Variants in TMEM132D observed in about 807,000 individuals in gnomAD.
TMEM132D encodes mature OL transmembrane protein.
Under a neutral mutation model 62.3 loss-of-function variants are expected in TMEM132D, and 21 were observed. The observed-to-expected ratio is 0.34, with a 90% CI of 0.24 to 0.49. The LOEUF (loss-of-function observed/expected upper bound fraction) is 0.49. TMEM132D is among the 20% of genes least tolerant of loss of function. TMEM132D has a pLI of 0.99. For synonymous variants in TMEM132D, 621 were observed against 575.6 expected (o/e 1.08, Z -1.13); for missense variants, 1,346 against 1,402.8 (o/e 0.96, Z 0.65).
rs557123658 is a variant in TMEM132D, at chr12:129,761,439, G to A, written c.80-60741C>T. On this transcript the variant is annotated intron_variant, in intron 1 of 8. Coordinates refer to ENST00000422113, the MANE Select transcript of TMEM132D (RefSeq NM_133448.3). ...CAGAGCTATGAACTAGTGATACTCG[G>A]GAGTCAGGAAGGAGTTGGCAGAACG... 5.9e-5 allele frequency among the ~76,000 whole-genome samples: 9 copies of A among 152,274 alleles called. No homozygotes were observed. The South Asian group carries it at 1.5e-3, about 25-fold the overall frequency.
At chr12:129,894,741 T>C (rs1875047738) in intron 1 of TMEM132D, among the ~76,000 whole-genome samples, 1 of 151,090 alleles carries the variant, frequency 6.6e-6, no homozygotes, top group Non-Finnish European at 1.5e-5. Flanking sequence ...TTTCTTGTAG[T>C]TTCTCTTTTT....
intron 2 of TMEM132D, among the ~76,000 whole-genome samples, chr12:129,598,998 T>C (rs1878418119): frequency 6.6e-6 from 1 of 152,168 alleles, no homozygotes; most frequent in African/African-American, 2.4e-5. Flanking sequence ...TGCTTATACT[T>C]CTGAAGGAGT....
chr12:129,741,105 C>T (rs1192467575), intron 1 of TMEM132D, among the ~76,000 whole-genome samples: 1 of 152,190 alleles, frequency 6.6e-6, no homozygotes, highest in Non-Finnish European at 1.5e-5. Flanking sequence ...TGTGGCATGG[C>T]ACAAATTCTT....
chr12:129,467,253 G>A (rs1037932703), intron 3 of TMEM132D, among the ~76,000 whole-genome samples: 2 of 152,080 alleles, frequency 1.3e-5, no homozygotes, highest in Admixed American at 1.3e-4. Flanking sequence ...ATCCAAACAT[G>A]GTTGAATCCA....
At chr12:129,608,591 T>G (rs1878688624) in intron 2 of TMEM132D, among the ~76,000 whole-genome samples, 1 of 152,218 alleles carries the variant, frequency 6.6e-6, no homozygotes. Context: ...TGATATCCAC[T>G]GTTTCTGAAA....
intron 4 of TMEM132D, among the ~76,000 whole-genome samples, chr12:129,327,088 T>C (rs1012330381): frequency 2.6e-5 from 4 of 152,028 alleles, no homozygotes; most frequent in African/African-American, 9.7e-5. Context: ...TCAGTGACAA[T>C]AGTAGGTGCT....
chr12:129,184,914 G>C (rs1301325473), intron 5 of TMEM132D, among the ~76,000 whole-genome samples: 4 of 152,130 alleles, frequency 2.6e-5, no homozygotes, highest in East Asian at 3.9e-4. Flanking sequence ...CTGGGCTCAA[G>C]AATCATGACC....
intron 5 of TMEM132D, among the ~76,000 whole-genome samples, chr12:129,161,295 A>G (rs1593280984): frequency 6.6e-6 from 1 of 152,314 alleles, no homozygotes; most frequent in East Asian, 1.9e-4. Flanking sequence ...TTTTGTTTAA[A>G]ATAATTCTGA....
intron 1 of TMEM132D, among the ~76,000 whole-genome samples, chr12:129,794,003 G>A (rs1470484945): frequency 2.0e-5 from 3 of 151,348 alleles, no homozygotes; most frequent in Admixed American, 6.6e-5. Flanking sequence ...CACACATATT[G>A]GATTTTTTAA....
chr12:129,534,463 T>A (rs61190689), intron 2 of TMEM132D, among the ~76,000 whole-genome samples: 1 of 151,752 alleles, frequency 6.6e-6, no homozygotes, highest in African/African-American at 2.4e-5. Context: ...TGTATATACA[T>A]ATATGTATAC....
At chr12:129,471,237 G>T (rs1874085520) in intron 3 of TMEM132D, among the ~76,000 whole-genome samples, 1 of 147,130 alleles carries the variant, frequency 6.8e-6, no homozygotes, top group Non-Finnish European at 1.5e-5. Context: ...CAAATTGAAG[G>T]TTTATGGCAA....
chr12:129,207,549 T>A (rs1292955279), intron 5 of TMEM132D, among the ~76,000 whole-genome samples: 3 of 152,074 alleles, frequency 2.0e-5, no homozygotes, highest in Non-Finnish European at 4.4e-5. Context: ...CGTACAGGCA[T>A]CCAGGGAAAG....
intron 3 of TMEM132D, among the ~76,000 whole-genome samples, chr12:129,467,098 C>T (rs542343430): frequency 6.6e-6 from 1 of 152,194 alleles, no homozygotes; most frequent in South Asian, 2.1e-4. Context: ...TTAAAATATG[C>T]ATCTGTAATT....
chr12:129,139,391 C>G (rs888622126), intron 5 of TMEM132D, among the ~76,000 whole-genome samples: 1 of 152,162 alleles, frequency 6.6e-6, no homozygotes, highest in African/African-American at 2.4e-5. Context: ...ACGGCCTAAC[C>G]AATCAGACAC....
At chr12:129,496,164 A>G (rs1364192295) in intron 3 of TMEM132D, among the ~76,000 whole-genome samples, 4 of 152,236 alleles carry the variant, frequency 2.6e-5, no homozygotes, top group Admixed American at 2.0e-4. Context: ...GAGTGAGTTT[A>G]TTAAGTGAAT....
intron 3 of TMEM132D, among the ~76,000 whole-genome samples, chr12:129,399,639 CAA>C (rs61117388): frequency 7.6e-5 from 10 of 130,830 alleles, no homozygotes; most frequent in African/African-American, 2.5e-4. Context: ...GAGGACGTCT[CAA>C]AAAAAAAAAA....
At chr12:129,224,225 ACT>A (rs370352653) in intron 4 of TMEM132D, among the ~76,000 whole-genome samples, 2 of 152,106 alleles carry the variant, frequency 1.3e-5, no homozygotes, top group East Asian at 3.9e-4. Context: ...AATATAATTT[ACT>A]TTGTTCATAA....
At chr12:129,192,535 G>T (rs573863285) in intron 5 of TMEM132D, among the ~76,000 whole-genome samples, 1 of 152,270 alleles carries the variant, frequency 6.6e-6, no homozygotes, top group Non-Finnish European at 1.5e-5. Flanking sequence ...AAACTTTAAG[G>T]CCCTGAAAGA....
chr12:129,081,358 G>A (rs938071599), intron 7 of TMEM132D, among the ~76,000 whole-genome samples: 2 of 152,150 alleles, frequency 1.3e-5, no homozygotes, highest in African/African-American at 4.8e-5. Context: ...GAGTGTAGTG[G>A]CACGATCTCA....
Sources: gnomAD v4.1 joint callset for allele counts (sites outside exome capture counted in the v4.1 genomes callset) on GRCh38, gnomAD v4.1.1 for gene constraint, MANE v1.5 for transcripts, NCBI Gene and HGNC (gene_info 2026-07-23, HGNC 2026-07-21) for gene names.